The following MYO10 variants were observed in gnomAD, a reference collection of about 807,000 sequenced individuals.
MYO10 encodes myosin X.
MYO10 carries 133 observed loss-of-function variants against 257.3 expected under a neutral mutation model. The ratio of observed to expected loss-of-function variants is 0.52; its 90% CI spans 0.45 to 0.60. The LOEUF (loss-of-function observed/expected upper bound fraction) is 0.60. Among genes scored for constraint, MYO10 ranks in the 20% least tolerant of loss-of-function variants. The pLI is 0.00. For missense variants in MYO10, 2,399 were observed against 2,635.7 expected (o/e 0.91, Z 1.97); for synonymous variants, 1,104 against 1,028.6 (o/e 1.07, Z -1.40).
At chr5:16,919,174 T>G (rs1745909743) in intron 1 of MYO10, among the ~76,000 whole-genome samples, 1 of 151,986 alleles carries the variant, frequency 6.6e-6, no homozygotes, top group Non-Finnish European at 1.5e-5. Flanking sequence ...GGTCAGGAGT[T>G]CAAGACCAGA....
At chr5:16,675,275 C>A in intron 34 of MYO10, 125 bp from the exon 35 acceptor site, 1 of 892,896 alleles carries the variant, frequency 1.1e-6, no homozygotes, top group Non-Finnish European at 1.7e-6. Context: ...CACCACACTC[C>A]CTATACATCT....
intron 3 of MYO10, among the ~76,000 whole-genome samples, chr5:16,812,813 G>A (rs1484490267): frequency 6.6e-6 from 1 of 152,034 alleles, no homozygotes; most frequent in African/African-American, 2.4e-5. Context: ...TTGAAAACAC[G>A]TTTATTTTAA....
chr5:16,749,599 G>C (rs961449761), intron 19 of MYO10, among the ~76,000 whole-genome samples: 1 of 152,180 alleles, frequency 6.6e-6, no homozygotes, highest in Non-Finnish European at 1.5e-5. Context: ...TGCCTTTCTG[G>C]AGAAGGCTGG....
At chr5:16,852,479 CTTTT>C (rs921595574) in intron 2 of MYO10, among the ~76,000 whole-genome samples, 2 of 151,444 alleles carry the variant, frequency 1.3e-5, no homozygotes, top group African/African-American at 4.9e-5. Flanking sequence ...ATTAACTGAC[CTTTT>C]TTTTGCCTCT....
In MYO10 at chr5:16,681,352, G is replaced by C. The variant is rs376328821; in HGVS notation, c.4341C>G (p.Leu1447=). ...TCTCATCTGGGGGGACGACAGAGCA[G>C]AGGCTGTTGAGGACCAGGGTCCCCA... The part of the protein sequence containing the change: ...LKLGTLVLNS[L]CSVVPPDEKI... The change falls in exon 32 of 41, where the codon CTC becomes CTG. Residue 1447 remains leucine, a synonymous_variant. Transcript: ENST00000513610. 6 of 1,613,792 alleles carry C rather than the reference G, an allele frequency of 3.7e-6. No individual in the cohort carries two copies. The African/African-American group carries it at 6.7e-5, about 18-fold the overall frequency.
At chr5:16,775,293 T>C (rs1741181548) in intron 9 of MYO10, among the ~76,000 whole-genome samples, 1 of 152,192 alleles carries the variant, frequency 6.6e-6, no homozygotes, top group African/African-American at 2.4e-5. Flanking sequence ...ACCTCATAGG[T>C]ACTTTTTTAT....
At chr5:16,839,364 T>G (rs1561011781) in intron 2 of MYO10, among the ~76,000 whole-genome samples, 1 of 152,096 alleles carries the variant, frequency 6.6e-6, no homozygotes, top group Non-Finnish European at 1.5e-5. Flanking sequence ...AGGAAGTCAT[T>G]GCAGATGTGG....
At chr5:16,719,990 G>C (rs994894964) in intron 19 of MYO10, among the ~76,000 whole-genome samples, 1 of 4,354 alleles carries the variant, frequency 2.3e-4, no homozygotes, top group Non-Finnish European at 4.6e-4. Flanking sequence ...GTGTGCGTGC[G>C]TGTGTGTGTG....
intron 30 of MYO10, 29 bp from the exon 31 acceptor site, chr5:16,682,042 G>A: frequency 1.9e-6 from 3 of 1,605,784 alleles, no homozygotes; most frequent in South Asian, 2.2e-5. Flanking sequence ...AGGAAACAAA[G>A]CCCCTTAGCC....
chr5:16,809,917 G>C (rs549996759), intron 3 of MYO10, among the ~76,000 whole-genome samples: 1 of 152,182 alleles, frequency 6.6e-6, no homozygotes, highest in African/African-American at 2.4e-5. Flanking sequence ...AGCTCTCCCC[G>C]TGATGTGGTT....
At chr5:16,799,400 AG>A (rs1266409700) in intron 3 of MYO10, among the ~76,000 whole-genome samples, 20 of 152,218 alleles carry the variant, frequency 1.3e-4, no homozygotes, top group Admixed American at 2.0e-4. Context: ...ATGACAATGT[AG>A]TAGCTGTGGC....
intron 10 of MYO10, among the ~76,000 whole-genome samples, 153 bp downstream of exon 10, chr5:16,768,921 C>T (rs1347268897): frequency 6.6e-6 from 1 of 151,960 alleles, no homozygotes; most frequent in Non-Finnish European, 1.5e-5. Context: ...AGCAATCTGC[C>T]CGCCTCCACC....
At chr5:16,839,540 C>T (rs998170633) in intron 2 of MYO10, among the ~76,000 whole-genome samples, 6 of 152,012 alleles carry the variant, frequency 3.9e-5, no homozygotes, top group Non-Finnish European at 8.8e-5. Flanking sequence ...GCCAGGAGTT[C>T]GAGACCAGCC....
At chr5:16,692,726 A>C (rs1422716342) in intron 27 of MYO10, among the ~76,000 whole-genome samples, 2 of 152,068 alleles carry the variant, frequency 1.3e-5, no homozygotes, top group Admixed American at 1.3e-4. Flanking sequence ...ATATTCTTCC[A>C]CCCACTCTTG....
Position 16,931,616 on chromosome 5 carries a change from T to C in MYO10, c.21+4172A>G, listed in dbSNP as rs933696478. Among the ~76,000 whole-genome samples, 12 of 143,090 alleles carry C rather than the reference T, an allele frequency of 8.4e-5. 2 individuals are homozygous for C. The highest frequency in any genetic ancestry group is 8.4e-4 in the Admixed American group (12 of 14,346). 93.9% of individuals were successfully genotyped at this position (143,090 alleles called of 152,430 possible). A position where few individuals can be genotyped will look rare whatever the true frequency, so the allele number is the denominator to read the frequency against. ...GCAGCTGCTCCCCCTGGCTTTGCTG[T>C]CCCCAACATAGCAGGGGGAAAAAAA... On this transcript the variant is annotated intron_variant, in intron 1 of 40. Transcript: ENST00000513610.
Position 16,701,961 on chromosome 5 carries a change from T to A in MYO10, c.2557-123A>T. The A allele has an allele frequency of 8.7e-7, 1 of 1,145,730 alleles. No individual in the cohort carries two copies. The highest frequency in any genetic ancestry group is 1.6e-5 in the South Asian group (1 of 60,810). The allele number at this position is 1,145,730 out of a possible 1,614,324, so 71.0% of individuals were successfully genotyped here. A position where few individuals can be genotyped will look rare whatever the true frequency, so the allele number is the denominator to read the frequency against. On this transcript the variant is annotated intron_variant, in intron 24 of 40. Transcript: ENST00000513610. This position sits in a 1 kb window ranked among gnomAD's most constrained non-coding sequence, Gnocchi z 8.1. Reference sequence around the variant, plus strand: ...TTGGACTGTGTCCCCATAAAGTCTATAGGTTGAAGTCCTAACCCCAATACT... The same window carrying A: ...TTGGACTGTGTCCCCATAAAGTCTAAAGGTTGAAGTCCTAACCCCAATACT...
intron 2 of MYO10, among the ~76,000 whole-genome samples, chr5:16,840,151 G>A (rs781502407): frequency 6.6e-6 from 1 of 152,192 alleles, no homozygotes. Context: ...GGTGGCTCAC[G>A]CCTATAATCC....
At position 16,801,396 on chromosome 5, in the gene MYO10, C is replaced by T. The variant is rs868268411; in HGVS notation, c.280-6563G>A. On this transcript the variant is annotated intron_variant, in intron 3 of 40. Transcript: ENST00000513610. ...CTAATTTTTGTATTTTTAGTAGAGA[C>T]GAATGGGGTTTCACCACATTAGCCA... Among the ~76,000 whole-genome samples the T allele has an allele frequency of 4.6e-5, 7 of 152,074 alleles. 1 individual carries two copies. The highest frequency in any genetic ancestry group is 6.8e-3 in the Middle Eastern group (2 of 294).
At position 16,675,932 on chromosome 5, in the gene MYO10, CTT is replaced by C. The variant is rs146840861; in HGVS notation, c.4666+97_4666+98del. 1.8e-4 allele frequency: 252 copies of C among 1,374,426 alleles called. 1 individual carries two copies. In the African/African-American group the frequency reaches 3.6e-3, roughly 20 times the overall value. The allele number at this position is 1,374,426 out of a possible 1,614,324, so 85.1% of individuals were successfully genotyped here. On this transcript the variant is annotated intron_variant, in intron 34 of 40. Transcript: ENST00000513610. ...TCCAATTCACGACGAATAAGAGAGTCTTTGAGATAAAAACAAATGCTTCTGTG... is the reference window on the plus strand; with the variant it reads ...TCCAATTCACGACGAATAAGAGAGTCTGAGATAAAAACAAATGCTTCTGTG...
Sources: gnomAD v4.1 joint callset for allele counts (sites outside exome capture counted in the v4.1 genomes callset) on GRCh38, gnomAD v4.1.1 for gene constraint, Gnocchi (gnomAD v3.1) non-coding constraint, MANE v1.5 for transcripts, NCBI Gene and HGNC (gene_info 2026-07-23, HGNC 2026-07-21) for gene names.